SEC23B: variants seen among roughly 807,000 people sequenced by gnomAD.
The protein encoded by SEC23B is protein transport protein Sec23B.
SEC23B carries 77 observed loss-of-function variants against 104.3 expected under a neutral mutation model. That is an observed-to-expected ratio of 0.74 (90% CI 0.61 to 0.89). The LOEUF is 0.89. Ranked by LOEUF, SEC23B falls within the 40% of genes least tolerant of loss-of-function variation. SEC23B has a pLI of 0.00. For synonymous variants in SEC23B, 338 were observed against 332.5 expected (o/e 1.02, Z -0.18); for missense variants, 885 against 949.4 (o/e 0.93, Z 0.89).
At position 18,527,496 on chromosome 20, in the gene SEC23B, C is replaced by T. The variant is rs1428191642; in HGVS notation, c.994C>T (p.His332Tyr). Reference sequence around the variant, plus strand: ...AAAGATAGCTTTCCTCTCTTCACAGCACTATGAGATGCTTGCTAATCGAAC... The same window carrying T: ...AAAGATAGCTTTCCTCTCTTCACAGTACTATGAGATGCTTGCTAATCGAAC... ...NARFMKKATKHYEMLANRTAA... is the reference protein window; with the variant it reads ...NARFMKKATKYYEMLANRTAA... The change falls in exon 9 of 20, where the codon CAC becomes TAC. Residue 332 changes from histidine to tyrosine, a missense_variant and splice_region_variant. Transcript: ENST00000650089. 1.3e-6 allele frequency: 2 copies of T among 1,563,134 alleles called. No individual in the cohort carries two copies. The highest frequency in any genetic ancestry group is 4.5e-5 in the East Asian group (2 of 44,658).
intron 19 of SEC23B, among the ~76,000 whole-genome samples, chr20:18,555,462 A>T (rs1241617537): frequency 6.6e-6 from 1 of 152,022 alleles, no homozygotes; most frequent in East Asian, 1.9e-4. Context: ...GTCCTCCGTC[A>T]CACAGCCTCA....
chr20:18,549,652 A>G (rs968973115), intron 16 of SEC23B, among the ~76,000 whole-genome samples: 8 of 152,236 alleles, frequency 5.3e-5, no homozygotes, highest in African/African-American at 1.9e-4. Context: ...TATATGGAAA[A>G]AAACAAAATA....
Position 18,532,860 on chromosome 20 carries a change from G to A in SEC23B, c.1314+116G>A. 7.8e-6 allele frequency: 6 copies of A among 772,776 alleles called. No individual in the cohort carries two copies. In the Admixed American group the frequency reaches 9.8e-5, roughly 13 times the overall value. 47.9% of individuals were successfully genotyped at this position (772,776 alleles called of 1,614,324 possible). On this transcript the variant is annotated intron_variant, in intron 11 of 19. Coordinates refer to ENST00000650089, the MANE Select transcript of SEC23B (RefSeq NM_006363.6). ...GTTGGATGTGTCTGCAGTGACAGGAGAAGGGCTAACCCTCACTGATGACTA... is the reference window on the plus strand; with the variant it reads ...GTTGGATGTGTCTGCAGTGACAGGAAAAGGGCTAACCCTCACTGATGACTA...
chr20:18,560,523 G>A (rs1480700616), intron 19 of SEC23B, 128 bp from the exon 20 acceptor site: 2 of 746,472 alleles, frequency 2.7e-6, no homozygotes, highest in African/African-American at 1.7e-5. Flanking sequence ...CAGAGGATGG[G>A]GTGATGGGAG....
chr20:18,514,132 CTA>C (rs1438869045), intron 3 of SEC23B, among the ~76,000 whole-genome samples: 1 of 152,178 alleles, frequency 6.6e-6, no homozygotes, highest in Non-Finnish European at 1.5e-5. Context: ...ATCTGCAAGT[CTA>C]TGTGTCCTAA....
In SEC23B at chr20:18,512,264, C is replaced by T. The variant is rs1568596980; in HGVS notation, c.261C>T (p.Phe87=). 1.9e-6 allele frequency: 3 copies of T among 1,589,662 alleles called. No individual in the cohort carries two copies. Among genetic ancestry groups the T allele is most frequent in the Non-Finnish European group, 1.7e-6 (2 of 1,160,882 alleles). The part of the protein sequence containing the change: ...DYRAKLWACN[F]CFQRNQFPPA... Reference sequence around the variant, plus strand: ...GAGCAAAACTTTGGGCCTGTAATTTCTGTTTTCAAAGAAATCAGGTATGTG... The same window carrying T: ...GAGCAAAACTTTGGGCCTGTAATTTTTGTTTTCAAAGAAATCAGGTATGTG... Residue 87 remains phenylalanine (F), a synonymous_variant, in exon 3 of 20, where the codon TTC becomes TTT. Transcript: ENST00000650089.
intron 19 of SEC23B, among the ~76,000 whole-genome samples, chr20:18,559,289 C>T (rs751593702): frequency 1.3e-5 from 2 of 152,146 alleles, no homozygotes; most frequent in Non-Finnish European, 2.9e-5. Flanking sequence ...AGTCCTGACC[C>T]TCCTCCAGGC....
In SEC23B at chr20:18,530,749, T is replaced by G. The variant is rs761354965; in HGVS notation, c.1179T>G (p.Thr393=). The stretch of plus-strand genomic sequence containing the variant: ...AGCAGACATTCCAAAGAATCTTTAC[T>G]AAAGATTTTAATGGAGATTTCCGAA... The part of the protein sequence containing the change: ...LFKQTFQRIF[T]KDFNGDFRMA... The change falls in exon 10 of 20, where the codon ACT becomes ACG. Residue 393 remains threonine, a synonymous_variant. Transcript: ENST00000650089. 1.2e-6 allele frequency: 2 copies of G among 1,613,648 alleles called. No individual in the cohort carries two copies. Among genetic ancestry groups the G allele is most frequent in the Non-Finnish European group, 1.7e-6 (2 of 1,179,622 alleles).
intron 16 of SEC23B, among the ~76,000 whole-genome samples, chr20:18,550,565 A>G (rs1193193238): frequency 6.6e-6 from 1 of 152,214 alleles, no homozygotes; most frequent in Non-Finnish European, 1.5e-5. Context: ...AGATTGCTAA[A>G]ATACATACAA....
chr20:18,554,274 C>T lies in SEC23B; in HGVS notation c.2032C>T (p.Pro678Ser). 1.9e-6 allele frequency: 3 copies of T among 1,614,132 alleles called. No individual in the cohort carries two copies. Among genetic ancestry groups the T allele is most frequent in the Non-Finnish European group, 2.5e-6 (3 of 1,180,038 alleles). The change falls in exon 18 of 20, where the codon CCC (proline) becomes TCC (serine). Residue 678 changes from proline (P) to serine (S), a missense_variant. Coordinates refer to ENST00000650089, the MANE Select transcript of SEC23B (RefSeq NM_006363.6). ...QWRKAGYQDM[P>S]EYENFKHLLQ... ...GCGTAAAGCTGGCTACCAGGACATG[C>T]CCGAGTATGAAAACTTCAAGCACCT...
rs1181713682 is a variant in SEC23B, at chr20:18,526,489, T to A, written c.951T>A (p.Asp317Glu). 1.2e-6 allele frequency: 2 copies of A among 1,614,068 alleles called. No individual in the cohort carries two copies. The highest frequency in any genetic ancestry group is 1.7e-6 in the Non-Finnish European group (2 of 1,180,034). The stretch of plus-strand genomic sequence containing the variant: ...AGATTCCTATTCGTTCTTGGCATGA[T>A]ATTGAGAAAGATAATGCACGATTCA... ...ELKIPIRSWH[D>E]IEKDNARFMK... Residue 317 changes from aspartate to glutamate, a missense_variant, in exon 8 of 20, where the codon GAT becomes GAA. Transcript: ENST00000650089.
At chr20:18,550,668 A>G (rs920391387) in intron 16 of SEC23B, among the ~76,000 whole-genome samples, 2 of 152,150 alleles carry the variant, frequency 1.3e-5, no homozygotes, top group Non-Finnish European at 2.9e-5. Flanking sequence ...TTTACAAAAA[A>G]TAAAAAATTA....
intron 1 of SEC23B, among the ~76,000 whole-genome samples, chr20:18,508,716 C>CTTTTTTTTTTTTTTTTTTT (rs398035473): frequency 5.1e-5 from 5 of 97,488 alleles, no homozygotes; most frequent in African/African-American, 2.1e-4. Flanking sequence ...GCAGTAGCTT[C>CTTTTTTTTTTTTTTTTTTT]TTTTTTTTTT....
chr20:18,523,548 G>A (rs1434087478), intron 4 of SEC23B, among the ~76,000 whole-genome samples: 1 of 151,242 alleles, frequency 6.6e-6, no homozygotes, highest in Non-Finnish European at 1.5e-5. Flanking sequence ...GATTACAGGT[G>A]AACCCCACTA....
chr20:18,535,061 G>C (rs2060216291), intron 11 of SEC23B, among the ~76,000 whole-genome samples: 1 of 152,130 alleles, frequency 6.6e-6, no homozygotes, highest in African/African-American at 2.4e-5. Flanking sequence ...ACAGAACAGA[G>C]TGCACCCTCT....
At position 18,511,030 on chromosome 20, in the gene SEC23B, T is replaced by C; in HGVS notation, c.195T>C (p.Thr65=). 6.2e-7 allele frequency: 1 copy of C among 1,613,966 alleles called. No individual in the cohort carries two copies. The highest frequency in any genetic ancestry group is 8.5e-7 in the Non-Finnish European group (1 of 1,179,822). Residue 65 remains threonine (T), a synonymous_variant, in exon 2 of 20, where the codon ACT becomes ACC. Transcript: ENST00000650089. ...AACCTGTGCTTTGCAGCAGGCCAAC[T>C]TGTAAAGCTGTTCTCAACCCACTTT... The part of the protein sequence containing the change: ...QYEPVLCSRP[T]CKAVLNPLCQ...
chr20:18,550,356 C>T (rs2060376828), intron 16 of SEC23B, among the ~76,000 whole-genome samples: 1 of 151,934 alleles, frequency 6.6e-6, no homozygotes, highest in African/African-American at 2.4e-5. Flanking sequence ...GGGGTTTTGC[C>T]ATGTTGCCCA....
Position 18,552,925 on chromosome 20 carries a change from G to A in SEC23B, c.1993-1310G>A, listed in dbSNP as rs570191226. ...TAAAGTGTATGGGAAGATGTACATC[G>A]GTTATATGAAATACTATGCCATTTT... is the stretch of plus-strand genomic sequence containing the variant. On this transcript the variant is annotated intron_variant, in intron 17 of 19. Coordinates refer to ENST00000650089, the MANE Select transcript of SEC23B (RefSeq NM_006363.6). Among the ~76,000 whole-genome samples, 16 of 152,284 alleles carry A rather than the reference G, an allele frequency of 1.1e-4. No individual in the cohort carries two copies. The East Asian group carries it at 2.7e-3, about 26-fold the overall frequency.
At chr20:18,558,813 G>A (rs1254264027) in intron 19 of SEC23B, among the ~76,000 whole-genome samples, 1 of 152,076 alleles carries the variant, frequency 6.6e-6, no homozygotes, top group Non-Finnish European at 1.5e-5. Flanking sequence ...TTTGTTTCAA[G>A]TGTGTTTGTA....
Sources: allele counts gnomAD v4.1 joint callset (sites outside exome capture counted in the v4.1 genomes callset), GRCh38; gene constraint gnomAD v4.1.1; transcripts MANE v1.5; gene names NCBI Gene and HGNC (gene_info 2026-07-23, HGNC 2026-07-21).